Variants in MORC4 observed in about 807,000 individuals in gnomAD.
The protein encoded by MORC4 is MORC family CW-type zinc finger protein 4.
In MORC4, 22 loss-of-function variants were observed where a neutral mutation model predicts 65.5. The ratio of observed to expected loss-of-function variants is 0.34; its 90% CI spans 0.24 to 0.48. The LOEUF (loss-of-function observed/expected upper bound fraction) is 0.48, where lower values mean the gene tolerates loss of function less well. Among genes scored for constraint, MORC4 ranks in the 20% least tolerant of loss-of-function variants. The pLI, the probability that MORC4 is intolerant of heterozygous loss-of-function variation, is 0.99. For synonymous variants in MORC4, 267 were observed against 255.8 expected (o/e 1.04, Z -0.42); for missense variants, 624 against 703.0 (o/e 0.89, Z 1.27).
At chrX:106,981,306 A>G in intron 6 of MORC4, 39 bp downstream of exon 6, 1 of 1,144,858 alleles carries the variant, frequency 8.7e-7, no homozygotes, top group Non-Finnish European at 1.2e-6. Flanking sequence ...GGTTACAGGA[A>G]ATCTTACCTC....
intron 14 of MORC4, among the ~76,000 whole-genome samples, chrX:106,947,591 A>ATATATTATATATATGTATATATAAT (rs1411668743): frequency 1.2e-5 from 1 of 83,142 alleles, no homozygotes; most frequent in African/African-American, 5.5e-5. Context: ...ATATATATAT[A>ATATATTATATATATGTATATATAAT]ATATATATAT....
chrX:106,948,138 T>C (rs1933893913), intron 14 of MORC4, among the ~76,000 whole-genome samples: 2 of 111,880 alleles, frequency 1.8e-5, no homozygotes, highest in Admixed American at 1.9e-4. Flanking sequence ...TAATACATTG[T>C]TATAATTATT....
chrX:106,941,154 C>G lies in MORC4; in HGVS notation c.*325G>C. On this transcript the variant is annotated 3_prime_UTR_variant, in exon 17 of 17. Transcript: ENST00000355610. ...TTGATCTAACCTAAATGAATACAAA[C>G]CATTTCAGAAAAAGATATACAATAG... The G allele has an allele frequency of 5.3e-6, 1 of 188,435 alleles. No homozygotes were observed. Among genetic ancestry groups the G allele is most frequent in the Non-Finnish European group, 9.9e-6 (1 of 101,397 alleles). 15.5% of individuals were successfully genotyped at this position (188,435 alleles called of 1,213,427 possible).
At chrX:106,947,571 T>TATATATATATATATATATATAATATATA (rs1555982139) in intron 14 of MORC4, among the ~76,000 whole-genome samples, 18 of 77,948 alleles carry the variant, frequency 2.3e-4, no homozygotes, top group Non-Finnish European at 3.0e-4. Context: ...TATATATATA[T>TATATATATATATATATATATAATATATA]TATATATATA....
chrX:106,957,148 T>C (rs17253739), intron 11 of MORC4, 144 bp from the exon 12 acceptor site: 3,187 of 316,802 alleles, frequency 0.01, 18 homozygotes, highest in Non-Finnish European at 0.014. Flanking sequence ...CCTTGTTATA[T>C]GTAAAGCATG....
Position 106,942,177 on chromosome X carries a change from G to A in MORC4, c.2421C>T (p.Phe807=). ...TCACCAATTCATGTTGGACTTTCTT[G>A]AATTCAGACTGCCAGTGATTCCTCT... ...EQERNHWQSE[F]KKVQHELVIY... is the part of the protein sequence containing the mutation. Residue 807 remains phenylalanine (F), a synonymous_variant, in exon 16 of 17, where the codon TTC becomes TTT. Coordinates refer to ENST00000355610, the MANE Select transcript of MORC4 (RefSeq NM_024657.5). 8.3e-7 allele frequency: 1 copy of A among 1,210,185 alleles called. No homozygotes were observed. The highest frequency in any genetic ancestry group is 1.1e-6 in the Non-Finnish European group (1 of 894,708).
In MORC4 at chrX:106,942,735, G is replaced by A; in HGVS notation, c.2156C>T (p.Ala719Val). 2 of 1,211,351 alleles carry A rather than the reference G, an allele frequency of 1.7e-6. No homozygotes were observed. The highest frequency in any genetic ancestry group is 1.1e-6 in the Non-Finnish European group (1 of 895,322). Residue 719 changes from alanine (A) to valine (V), a missense_variant, in exon 15 of 17, where the codon GCT (alanine) becomes GTT (valine). Physicochemically the swap from Ala to Val is moderately conservative, Grantham distance 64. Transcript: ENST00000355610. The part of the protein sequence containing the change: ...QLIPFNREEL[A>V]ERRKAVESWN... ...GGATTCAACTGCTTTTCGTCTCTCA[G>A]CAAGCTCCTCTCTGTTAAAAGGGAT...
chrX:106,945,414 T>G (rs866881949), intron 14 of MORC4, among the ~76,000 whole-genome samples: 1 of 83,242 alleles, frequency 1.2e-5, no homozygotes, highest in Admixed American at 1.5e-4. Context: ...ACTTACTACT[T>G]TGTGTGTGTG....
intron 5 of MORC4, among the ~76,000 whole-genome samples, 153 bp from the exon 6 acceptor site, chrX:106,981,630 C>T (rs775579250): frequency 8.9e-6 from 1 of 111,900 alleles, no homozygotes; most frequent in Non-Finnish European, 1.9e-5. Flanking sequence ...CTACAAACTA[C>T]TTGGGTAGAG....
intron 2 of MORC4, among the ~76,000 whole-genome samples, chrX:106,995,222 A>G (rs1400045129): frequency 9.3e-6 from 1 of 107,921 alleles, no homozygotes. Context: ...CCTCCTAACT[A>G]CTCTTATAAA....
intron 10 of MORC4, among the ~76,000 whole-genome samples, chrX:106,960,387 ACATTCCCTT>A (rs1292489788): frequency 1.8e-5 from 2 of 111,813 alleles, no homozygotes; most frequent in Non-Finnish European, 3.8e-5. Context: ...TGGCTTTACT[ACATTCCCTT>A]CATTGCATCC....
chrX:106,971,583 T>C (rs909332722), intron 9 of MORC4, among the ~76,000 whole-genome samples: 2 of 112,221 alleles, frequency 1.8e-5, no homozygotes, highest in African/African-American at 6.5e-5. Flanking sequence ...AAACGGCTAA[T>C]ATCCAGAATC....
At chrX:106,978,226 A>G in intron 7 of MORC4, 27 bp from the exon 8 acceptor site, 1 of 1,187,203 alleles carries the variant, frequency 8.4e-7, no homozygotes, top group Non-Finnish European at 1.1e-6. Flanking sequence ...TAAGGAGACA[A>G]ACATACCAGG....
chrX:106,991,529 G>A (rs768801108), intron 3 of MORC4, among the ~76,000 whole-genome samples: 2 of 112,150 alleles, frequency 1.8e-5, no homozygotes, highest in South Asian at 3.7e-4. Context: ...CAGACAAAAC[G>A]GAAGATCAGA....
intron 14 of MORC4, among the ~76,000 whole-genome samples, chrX:106,945,698 G>T (rs968323418): frequency 9.0e-6 from 1 of 111,437 alleles, no homozygotes; most frequent in African/African-American, 3.3e-5. Context: ...CACTCATTGA[G>T]TAGAGATTAA....
At chrX:106,966,359 A>T (rs1934372710) in intron 9 of MORC4, among the ~76,000 whole-genome samples, 1 of 112,468 alleles carries the variant, frequency 8.9e-6, no homozygotes, top group Non-Finnish European at 1.9e-5. Context: ...TACAGCTCCC[A>T]GTGAGATCGA....
intron 13 of MORC4, 73 bp downstream of exon 13, chrX:106,956,407 G>T: frequency 1.1e-6 from 1 of 883,519 alleles, no homozygotes; most frequent in Non-Finnish European, 1.7e-6. Flanking sequence ...CAAGATTGCT[G>T]CTTCCTTCAA....
Position 106,945,736 on chromosome X carries a change from C to G in MORC4, c.1686-2531G>C, listed in dbSNP as rs1421743804. Among the ~76,000 whole-genome samples, 4 of 111,135 alleles carry G rather than the reference C, an allele frequency of 3.6e-5. No individual in the cohort carries two copies. The East Asian group carries it at 1.1e-3, about 31-fold the overall frequency. On this transcript the variant is annotated intron_variant, in intron 14 of 16. Coordinates refer to ENST00000355610, the MANE Select transcript of MORC4 (RefSeq NM_024657.5). ...ATGGGTTTTATATACTAGAAATTCT[C>G]CAACTACACAGTTTCCTCTTATTTT...
chrX:106,982,033 T>G (rs992491055), intron 5 of MORC4, among the ~76,000 whole-genome samples: 1 of 112,029 alleles, frequency 8.9e-6, no homozygotes, highest in Non-Finnish European at 1.9e-5. Flanking sequence ...GTACTAACAT[T>G]CCTTTCATAA....
Sources: gnomAD v4.1 joint callset for allele counts (sites outside exome capture counted in the v4.1 genomes callset) on GRCh38, gnomAD v4.1.1 for gene constraint, MANE v1.5 for transcripts, NCBI Gene and HGNC (gene_info 2026-07-23, HGNC 2026-07-21) for gene names.